The following CADM2 variants were observed in gnomAD, a reference collection of about 807,000 sequenced individuals.
The protein encoded by CADM2 is immunoglobulin superfamily member 4D.
A neutral mutation model predicts 49.8 loss-of-function variants in CADM2; 12 were observed. The ratio of observed to expected loss-of-function variants is 0.24; its 90% confidence interval spans 0.15 to 0.39. The LOEUF (loss-of-function observed/expected upper bound fraction) is 0.39. Among genes scored for constraint, CADM2 ranks in the 10% least tolerant of loss-of-function variants. The probability of loss-of-function intolerance (pLI) is 1.00; values close to 1 mark genes in which losing one functional copy is unlikely to be tolerated. For synonymous variants in CADM2, 214 were observed against 175.4 expected, an observed-to-expected ratio of 1.22 and a Z score of -1.74; for missense variants, 378 against 492.3, an observed-to-expected ratio of 0.77 and a Z score of 2.20.
intron 1 of CADM2, among the ~76,000 whole-genome samples, chr3:85,472,751 AC>A (rs1385332848): frequency 6.6e-6 from 1 of 151,986 alleles, no homozygotes; most frequent in Non-Finnish European, 1.5e-5. Flanking sequence ...CTAAAACTAC[AC>A]ATGGTAGATC....
intron 1 of CADM2, among the ~76,000 whole-genome samples, chr3:85,192,970 A>T (rs571325791): frequency 6.6e-6 from 1 of 152,220 alleles, no homozygotes; most frequent in Non-Finnish European, 1.5e-5. Flanking sequence ...TAAATGATGG[A>T]TTATAGGCAG....
chr3:85,043,778 A>T (rs991759135), intron 1 of CADM2, among the ~76,000 whole-genome samples: 1 of 152,144 alleles, frequency 6.6e-6, no homozygotes, highest in Non-Finnish European at 1.5e-5. Flanking sequence ...ATTTACAATT[A>T]TCCTTGTCTG....
At chr3:86,027,770 G>T (rs1034043434) in intron 8 of CADM2, 2 of 151,968 alleles carry the variant, frequency 1.3e-5, no homozygotes, top group African/African-American at 4.8e-5. Context: ...AATTTTAAAA[G>T]TATTGCTCTT....
intron 1 of CADM2, among the ~76,000 whole-genome samples, chr3:85,557,213 C>T (rs1272519858): frequency 6.6e-6 from 1 of 151,788 alleles, no homozygotes; most frequent in Non-Finnish European, 1.5e-5. Context: ...GGGATAAAAA[C>T]AACATACAAA....
At chr3:85,337,541 T>G (rs2045123666) in intron 1 of CADM2, among the ~76,000 whole-genome samples, 1 of 151,428 alleles carries the variant, frequency 6.6e-6, no homozygotes, top group Non-Finnish European at 1.5e-5. Flanking sequence ...TAACCATTTA[T>G]CATAGGATTT....
chr3:85,996,571 A>G (rs903165752), intron 8 of CADM2, among the ~76,000 whole-genome samples: 1 of 152,026 alleles, frequency 6.6e-6, no homozygotes, highest in Non-Finnish European at 1.5e-5. Flanking sequence ...CAATACGTAT[A>G]ATATTTTTCT....
intron 1 of CADM2, among the ~76,000 whole-genome samples, chr3:85,287,660 T>A (rs1250594889): frequency 6.6e-6 from 1 of 151,122 alleles, no homozygotes; most frequent in Non-Finnish European, 1.5e-5. Context: ...ATATTTGTCA[T>A]TATTAATTAT....
intron 1 of CADM2, among the ~76,000 whole-genome samples, chr3:85,472,060 G>C (rs1319373296): frequency 6.6e-6 from 1 of 151,848 alleles, no homozygotes; most frequent in Admixed American, 6.6e-5. Context: ...AAAGAAGCTT[G>C]AAGTCTATCT....
intron 1 of CADM2, among the ~76,000 whole-genome samples, chr3:85,260,075 A>T (rs1286829880): frequency 6.6e-6 from 1 of 152,086 alleles, no homozygotes; most frequent in Non-Finnish European, 1.5e-5. Context: ...TTTTTTTCTG[A>T]AATAAATAAT....
intron 1 of CADM2, among the ~76,000 whole-genome samples, chr3:85,271,956 T>C (rs1236477295): frequency 6.6e-6 from 1 of 151,290 alleles, no homozygotes; most frequent in Non-Finnish European, 1.5e-5. Flanking sequence ...TCTTCTGTCA[T>C]ATCTCTGAAA....
intron 1 of CADM2, among the ~76,000 whole-genome samples, chr3:85,132,884 A>G (rs1363375788): frequency 6.6e-6 from 1 of 152,182 alleles, no homozygotes; most frequent in Non-Finnish European, 1.5e-5. Context: ...TTCAAGAATG[A>G]AGCCGCGGAC....
At chr3:85,993,350 T>A (rs1729016105) in intron 8 of CADM2, 1 of 152,238 alleles carries the variant, frequency 6.6e-6, no homozygotes, top group Non-Finnish European at 1.5e-5. Context: ...ATCTTTAGGC[T>A]CTACTTATAG....
intron 1 of CADM2, among the ~76,000 whole-genome samples, chr3:85,080,936 A>G (rs777070135): frequency 1.3e-5 from 2 of 152,130 alleles, no homozygotes; most frequent in Non-Finnish European, 2.9e-5. Flanking sequence ...TACATTACAT[A>G]TATAGGTCAG....
At chr3:85,269,566 T>A (rs543774257) in intron 1 of CADM2, among the ~76,000 whole-genome samples, 22 of 151,484 alleles carry the variant, frequency 1.5e-4, no homozygotes, top group Admixed American at 1.3e-3. Flanking sequence ...GATCCCTTGG[T>A]TAATTTTATA....
chr3:86,054,847 C>G (rs934034552), intron 8 of CADM2, among the ~76,000 whole-genome samples: 1 of 152,012 alleles, frequency 6.6e-6, no homozygotes, highest in Non-Finnish European at 1.5e-5. Context: ...TCACAGAATA[C>G]ATTGCCAAAA....
At chr3:85,910,612 T>C (rs1326192550) in intron 5 of CADM2, among the ~76,000 whole-genome samples, 1 of 152,092 alleles carries the variant, frequency 6.6e-6, no homozygotes, top group Non-Finnish European at 1.5e-5. Context: ...CGTATAATTT[T>C]GTATCCTGTG....
intron 1 of CADM2, among the ~76,000 whole-genome samples, chr3:85,198,074 C>G (rs1017451023): frequency 3.3e-5 from 5 of 151,786 alleles, no homozygotes; most frequent in Non-Finnish European, 3.0e-5. Context: ...AACTCTGCTT[C>G]TTTTTTATAT....
At chr3:85,738,249 G>A (rs9858244) in intron 2 of CADM2, among the ~76,000 whole-genome samples, 23,857 of 152,196 alleles carry the variant, frequency 0.16, 2,363 homozygotes, top group Non-Finnish European at 0.21. Context: ...GTGTATATTA[G>A]ACACAGCTTC....
chr3:86,040,319 A>C (rs141826576), intron 8 of CADM2, among the ~76,000 whole-genome samples: 50 of 152,236 alleles, frequency 3.3e-4, no homozygotes, highest in African/African-American at 1.2e-3. Context: ...CATGGCAAAG[A>C]ACTTAAAAAC....
Sources: gnomAD v4.1 joint callset for allele counts (sites outside exome capture counted in the v4.1 genomes callset) on GRCh38, gnomAD v4.1.1 for gene constraint, MANE v1.5 for transcripts, NCBI Gene and HGNC (gene_info 2026-07-23, HGNC 2026-07-21) for gene names.